CCSER1: variants seen among roughly 807,000 people sequenced by gnomAD.
CCSER1 encodes the protein coiled-coil serine rich protein 1, also known as serine-rich coiled-coil domain-containing protein 1.
Under a neutral mutation model 82.0 loss-of-function variants are expected in CCSER1, and 41 were observed. The observed-to-expected ratio is 0.50, with a 90% CI of 0.39 to 0.65. The LOEUF (loss-of-function observed/expected upper bound fraction) is 0.65, where lower values mean the gene tolerates loss of function less well. CCSER1 is among the 30% of genes least tolerant of loss of function. CCSER1 has a pLI of 0.00. For synonymous variants in CCSER1, 414 were observed against 383.9 expected (o/e 1.08, Z -0.92); for missense variants, 1,119 against 1,064.2 (o/e 1.05, Z -0.72).
In CCSER1 at chr4:90,269,855, C is replaced by T. The variant is rs1400680865; in HGVS notation, c.-41-38389C>T. 7.3e-5 allele frequency among the ~76,000 whole-genome samples: 11 copies of T among 151,714 alleles called. No individual in the cohort carries two copies. In the East Asian group the frequency reaches 1.2e-3, roughly 16 times the overall value. ...AAAAAGGGGACATTACAATTGATACCGCAAAAATTCAAAGGATCATTAGAG... is the reference window on the plus strand; with the variant it reads ...AAAAAGGGGACATTACAATTGATACTGCAAAAATTCAAAGGATCATTAGAG... On this transcript the variant is annotated intron_variant, in intron 1 of 10. Transcript: ENST00000509176.
intron 10 of CCSER1, among the ~76,000 whole-genome samples, chr4:91,472,559 C>A (rs2149445369): frequency 6.6e-6 from 1 of 152,170 alleles, no homozygotes; most frequent in South Asian, 2.1e-4. Flanking sequence ...TTATTTTGCT[C>A]ATAGTTAGTA....
chr4:90,519,097 C>A (rs1382602385), intron 5 of CCSER1, among the ~76,000 whole-genome samples: 2 of 151,694 alleles, frequency 1.3e-5, no homozygotes, highest in Non-Finnish European at 3.0e-5. Context: ...GTAAATTTAG[C>A]ATTAATTTTT....
rs1287056331 is a variant in CCSER1 at position 90,956,806 on chromosome 4, CT to C, written c.2172+33360del. Among the ~76,000 whole-genome samples the C allele has an allele frequency of 4.8e-5, 7 of 144,392 alleles. No homozygotes were observed. The Admixed American group carries it at 4.9e-4, about 10-fold the overall frequency. 94.7% of individuals were successfully genotyped at this position (144,392 alleles called of 152,430 possible). Reference sequence around the variant, plus strand: ...TTCTTTAAAAGACAGTATTTTAACTCTGTCACCCAGGCTGGAGTGCAGTGGC... The same window carrying C: ...TTCTTTAAAAGACAGTATTTTAACTCGTCACCCAGGCTGGAGTGCAGTGGC... On this transcript the variant is annotated intron_variant, in intron 9 of 10. Transcript: ENST00000509176.
chr4:90,539,013 C>T (rs1775766316), intron 5 of CCSER1, among the ~76,000 whole-genome samples: 1 of 151,934 alleles, frequency 6.6e-6, no homozygotes, highest in Non-Finnish European at 1.5e-5. Context: ...CTGCAAGTGA[C>T]AAAATCCATG....
intron 7 of CCSER1, among the ~76,000 whole-genome samples, chr4:90,727,683 A>G (rs1267763191): frequency 6.6e-6 from 1 of 152,160 alleles, no homozygotes; most frequent in African/African-American, 2.4e-5. Flanking sequence ...GCCTCAGTCC[A>G]TTCCTGGAAC....
chr4:91,132,753 A>T (rs562462153), intron 10 of CCSER1, among the ~76,000 whole-genome samples: 43 of 152,346 alleles, frequency 2.8e-4, no homozygotes, highest in African/African-American at 9.9e-4. Context: ...TTATAAAAGT[A>T]GTAACATTTA....
intron 10 of CCSER1, among the ~76,000 whole-genome samples, chr4:91,430,679 C>T (rs1384231965): frequency 2.0e-5 from 3 of 152,160 alleles, no homozygotes; most frequent in East Asian, 1.9e-4. Flanking sequence ...GAATATCATT[C>T]GGCTAAGTTG....
chr4:90,764,020 G>A (rs911504022), intron 7 of CCSER1, among the ~76,000 whole-genome samples: 1 of 151,914 alleles, frequency 6.6e-6, no homozygotes, highest in Non-Finnish European at 1.5e-5. Flanking sequence ...AAAATGAGAG[G>A]AAAGAAGGAA....
At chr4:90,759,285 T>C (rs931309870) in intron 7 of CCSER1, among the ~76,000 whole-genome samples, 2 of 152,260 alleles carry the variant, frequency 1.3e-5, no homozygotes, top group Non-Finnish European at 2.9e-5. Flanking sequence ...AATGACGTTT[T>C]ATTTATCTCT....
intron 10 of CCSER1, among the ~76,000 whole-genome samples, chr4:91,383,241 T>C (rs533250005): frequency 2.6e-5 from 4 of 152,248 alleles, no homozygotes; most frequent in African/African-American, 7.2e-5. Context: ...AAAAAGATGG[T>C]AATTATATGA....
Position 91,007,675 on chromosome 4 carries a change from CAAA to C in CCSER1, c.2173-78261_2173-78259del, listed in dbSNP as rs55642634. 6.5e-4 allele frequency among the ~76,000 whole-genome samples: 86 copies of C among 133,180 alleles called. 1 individual carries two copies. Among genetic ancestry groups the C allele is most frequent in the South Asian group, 4.8e-3 (20 of 4,124 alleles). 87.4% of individuals were successfully genotyped at this position (133,180 alleles called of 152,430 possible). A position where few individuals can be genotyped will look rare whatever the true frequency, so the allele number is the denominator to read the frequency against. On this transcript the variant is annotated intron_variant, in intron 9 of 10. Coordinates refer to ENST00000509176, the MANE Select transcript of CCSER1 (RefSeq NM_001145065.2). Reference sequence around the variant, plus strand: ...TAAACATTTGTCAATTTTATCTTCTCAAAAAAAAAAAAAAAACTCTTTTGTTGA... The same window carrying C: ...TAAACATTTGTCAATTTTATCTTCTCAAAAAAAAAAAAACTCTTTTGTTGA...
chr4:90,570,029 A>T (rs752499479), intron 5 of CCSER1, among the ~76,000 whole-genome samples: 7 of 152,140 alleles, frequency 4.6e-5, no homozygotes, highest in Non-Finnish European at 1.0e-4. Flanking sequence ...GTTCCTCAGG[A>T]CTGGAAAGCA....
intron 10 of CCSER1, among the ~76,000 whole-genome samples, chr4:91,494,388 G>A (rs1034766992): frequency 6.6e-6 from 1 of 151,696 alleles, no homozygotes; most frequent in Non-Finnish European, 1.5e-5. Context: ...GGTTCATAAT[G>A]AGTATGATGT....
chr4:91,094,120 C>T (rs1017546975), intron 10 of CCSER1, among the ~76,000 whole-genome samples: 4 of 152,190 alleles, frequency 2.6e-5, no homozygotes, highest in Non-Finnish European at 5.9e-5. Flanking sequence ...CTTTGGCATA[C>T]CCATCTGCCG....
chr4:90,305,043 A>C (rs756219188), intron 1 of CCSER1, among the ~76,000 whole-genome samples: 8 of 151,740 alleles, frequency 5.3e-5, no homozygotes, highest in Admixed American at 4.6e-4. Context: ...CAGCCTCCCT[A>C]GTAGCTGGGA....
chr4:90,590,331 G>A (rs536431244), intron 5 of CCSER1, among the ~76,000 whole-genome samples: 4 of 151,916 alleles, frequency 2.6e-5, no homozygotes, highest in South Asian at 2.1e-4. Context: ...TGTAATCCCA[G>A]CACTTTGGGA....
chr4:90,335,327 C>G (rs967864616), intron 3 of CCSER1, among the ~76,000 whole-genome samples: 1 of 152,042 alleles, frequency 6.6e-6, no homozygotes, highest in African/African-American at 2.4e-5. Context: ...CCAATTCATG[C>G]GTAAAGTGAA....
At chr4:90,802,448 T>A (rs1344697198) in intron 7 of CCSER1, among the ~76,000 whole-genome samples, 1 of 151,606 alleles carries the variant, frequency 6.6e-6, no homozygotes, top group Non-Finnish European at 1.5e-5. Context: ...AGTACTCATT[T>A]AAAAAGTACA....
At position 91,400,443 on chromosome 4, in the gene CCSER1, T is replaced by G. The variant is rs546755031; in HGVS notation, c.2218-198129T>G. On this transcript the variant is annotated intron_variant, in intron 10 of 10. Coordinates refer to ENST00000509176, the MANE Select transcript of CCSER1 (RefSeq NM_001145065.2). ...ATGTAATAGACTTTTAAGCAATATATGCTTTTCAATGCCTTCATATCCCTT... is the reference window on the plus strand; with the variant it reads ...ATGTAATAGACTTTTAAGCAATATAGGCTTTTCAATGCCTTCATATCCCTT... 5.9e-5 allele frequency among the ~76,000 whole-genome samples: 9 copies of G among 151,276 alleles called. No individual in the cohort carries two copies. In the South Asian group the frequency reaches 8.4e-4, roughly 14 times the overall value.
Sources: gnomAD v4.1 joint callset for allele counts (sites outside exome capture counted in the v4.1 genomes callset) on GRCh38, gnomAD v4.1.1 for gene constraint, MANE v1.5 for transcripts, NCBI Gene and HGNC (gene_info 2026-07-23, HGNC 2026-07-21) for gene names.